ACCSL: variants seen among roughly 807,000 people sequenced by gnomAD.
ACCSL encodes the protein 1-aminocyclopropane-1-carboxylate synthase homolog (inactive) like, also known as probable inactive 1-aminocyclopropane-1-carboxylate synthase-like protein 2.
A neutral mutation model predicts 61.7 loss-of-function variants in ACCSL; 55 were observed. The observed-to-expected ratio is 0.89, with a 90% CI of 0.72 to 1.12. The LOEUF (loss-of-function observed/expected upper bound fraction) is 1.12, where lower values mean the gene tolerates loss of function less well. Among genes scored for constraint, ACCSL ranks in the 50% most tolerant of loss-of-function variants. ACCSL has a pLI of 0.00. For missense variants in ACCSL, 632 were observed against 698.0 expected (o/e 0.91, Z 1.07); for synonymous variants, 258 against 264.3 (o/e 0.98, Z 0.23).
chr11:43,923,145 G>C, the ACCSL span, among the ~76,000 whole-genome samples: 1 of 152,206 alleles, frequency 6.6e-6, no homozygotes, highest in Admixed American at 6.5e-5. Context: ...GCCGTCTCCT[G>C]AATTGTGTCA....
chr11:43,959,793 G>A, the ACCSL span, among the ~76,000 whole-genome samples: 1 of 152,162 alleles, frequency 6.6e-6, no homozygotes, highest in Non-Finnish European at 1.5e-5. Flanking sequence ...TGCATGAATG[G>A]GGAAACAGAG....
At chr11:43,931,822 G>T in the ACCSL span, among the ~76,000 whole-genome samples, 1 of 152,220 alleles carries the variant, frequency 6.6e-6, no homozygotes, top group South Asian at 2.1e-4. Context: ...AGTAGGGGAA[G>T]ATGCCTTCCA....
chr11:43,993,284 C>T, the ACCSL span, among the ~76,000 whole-genome samples: 2 of 152,124 alleles, frequency 1.3e-5, no homozygotes, highest in Non-Finnish European at 2.9e-5. Flanking sequence ...TAACTCCGTG[C>T]ATCCCATGGG....
At chr11:43,999,118 A>G in the ACCSL span, among the ~76,000 whole-genome samples, 2 of 152,282 alleles carry the variant, frequency 1.3e-5, no homozygotes, top group African/African-American at 4.8e-5. Context: ...CGAGGATGAA[A>G]TGAGATATTG....
At chr11:44,058,286 C>G (rs1269188367) in intron 11 of ACCSL, 31 bp from the exon 12 acceptor site, 2 of 1,612,174 alleles carry the variant, frequency 1.2e-6, no homozygotes, top group Admixed American at 3.3e-5. Flanking sequence ...GTAGTAATAT[C>G]TGTGACAGTG....
the ACCSL span, chr11:43,933,242 T>A: frequency 2.2e-6 from 1 of 451,230 alleles, no homozygotes; most frequent in Non-Finnish European, 4.5e-6. Context: ...ACAAGCCCAG[T>A]CTCTATGCTT....
chr11:43,935,882 G>A, the ACCSL span, among the ~76,000 whole-genome samples: 5 of 152,242 alleles, frequency 3.3e-5, no homozygotes, highest in East Asian at 1.9e-4. Context: ...TTTAAGGGCC[G>A]ACCCCTGTCC....
the ACCSL span, among the ~76,000 whole-genome samples, chr11:44,031,109 C>T: frequency 1.3e-5 from 2 of 152,162 alleles, no homozygotes; most frequent in African/African-American, 4.8e-5. Flanking sequence ...GCCTGCTTCA[C>T]CTCTTTGAGA....
At chr11:44,046,041 A>T (rs1211772540), upstream of ACCSL, among the ~76,000 whole-genome samples, 2 of 152,174 alleles carry the variant, frequency 1.3e-5, no homozygotes, top group African/African-American at 4.8e-5. Flanking sequence ...AAACCAAAGG[A>T]ATCTCACCTG....
chr11:44,026,460 A>T, the ACCSL span, among the ~76,000 whole-genome samples: 1 of 151,956 alleles, frequency 6.6e-6, no homozygotes, highest in Non-Finnish European at 1.5e-5. Flanking sequence ...TTTATGCTTG[A>T]CTTCTTTTAG....
the ACCSL span, chr11:43,943,072 G>C: frequency 6.6e-7 from 1 of 1,505,248 alleles, no homozygotes; most frequent in East Asian, 2.8e-5. The surrounding 1 kb of genome is among the most constrained non-coding windows in gnomAD (Gnocchi z 4.8). Context: ...TCAAGACGCA[G>C]CCGGTGACCT....
At chr11:43,973,976 T>C in the ACCSL span, 2 of 152,238 alleles carry the variant, frequency 1.3e-5, no homozygotes, top group Non-Finnish European at 2.9e-5. Context: ...AGCTCCTTTC[T>C]AGTGAATGTC....
chr11:44,043,698 G>C (rs1166366496), upstream of ACCSL, among the ~76,000 whole-genome samples: 1 of 152,110 alleles, frequency 6.6e-6, no homozygotes, highest in African/African-American at 2.4e-5. Flanking sequence ...GTGTGTATTA[G>C]ATTTTTTCAT....
At chr11:43,934,173 T>A in the ACCSL span, among the ~76,000 whole-genome samples, 7 of 152,230 alleles carry the variant, frequency 4.6e-5, no homozygotes, top group African/African-American at 1.7e-4. Flanking sequence ...TTCTTGGAGA[T>A]TGCCTGGGAT....
At chr11:43,934,599 G>C in the ACCSL span, among the ~76,000 whole-genome samples, 6 of 152,136 alleles carry the variant, frequency 3.9e-5, no homozygotes, top group African/African-American at 1.4e-4. Flanking sequence ...TTGGAACTCT[G>C]AGACCCACTC....
At chr11:43,952,853 G>T in the ACCSL span, among the ~76,000 whole-genome samples, 1 of 152,144 alleles carries the variant, frequency 6.6e-6, no homozygotes, top group Non-Finnish European at 1.5e-5. Context: ...CTTTGCTGCA[G>T]ATGTGGCCAC....
At chr11:43,976,191 T>C in the ACCSL span, among the ~76,000 whole-genome samples, 25 of 152,288 alleles carry the variant, frequency 1.6e-4, no homozygotes, top group Non-Finnish European at 2.8e-4. Flanking sequence ...AAAGCTGATG[T>C]TGTAATGGGA....
chr11:43,952,650 C>G, the ACCSL span, among the ~76,000 whole-genome samples: 1 of 152,140 alleles, frequency 6.6e-6, no homozygotes, highest in African/African-American at 2.4e-5. Flanking sequence ...TCACGCGGAC[C>G]CTCTTAGAGT....
the ACCSL span, among the ~76,000 whole-genome samples, chr11:44,039,022 T>C: frequency 6.6e-6 from 1 of 152,346 alleles, no homozygotes; most frequent in Non-Finnish European, 1.5e-5. Flanking sequence ...AGGGGATTTA[T>C]TTCTTCATTT....
Sources: gnomAD v4.1 joint callset for allele counts (sites outside exome capture counted in the v4.1 genomes callset) on GRCh38, gnomAD v4.1.1 for gene constraint, Gnocchi (gnomAD v3.1) non-coding constraint, MANE v1.5 for transcripts, NCBI Gene and HGNC (gene_info 2026-07-23, HGNC 2026-07-21) for gene names.